RPRD1A: variants seen among roughly 807,000 people sequenced by gnomAD.
RPRD1A encodes regulation of nuclear pre-mRNA domain containing 1A.
In RPRD1A, 9 loss-of-function variants were observed where a neutral mutation model predicts 37.8. The observed-to-expected ratio is 0.24, with a 90% CI of 0.14 to 0.42. The LOEUF (loss-of-function observed/expected upper bound fraction) is 0.42, where lower values mean the gene tolerates loss of function less well. Among genes scored for constraint, RPRD1A ranks in the 10% least tolerant of loss-of-function variants. The pLI is 1.00. For synonymous variants in RPRD1A, 138 were observed against 139.7 expected (o/e 0.99, Z 0.08); for missense variants, 255 against 371.0 (o/e 0.69, Z 2.57).
intron 6 of RPRD1A, among the ~76,000 whole-genome samples, chr18:36,000,135 T>A (rs1242203005): frequency 1.3e-5 from 2 of 152,056 alleles, no homozygotes; most frequent in South Asian, 2.1e-4. Flanking sequence ...TCTGTTACCA[T>A]CCCCAGGGGA....
intron 1 of RPRD1A, among the ~76,000 whole-genome samples, chr18:36,052,604 G>C (rs994511016): frequency 1.3e-5 from 2 of 151,982 alleles, no homozygotes; most frequent in Non-Finnish European, 2.9e-5. Context: ...ATTCATTTTT[G>C]TTGGGGGCGG....
At chr18:36,023,326 A>T (rs1336527315) in intron 6 of RPRD1A, among the ~76,000 whole-genome samples, 1 of 152,208 alleles carries the variant, frequency 6.6e-6, no homozygotes, top group Non-Finnish European at 1.5e-5. Flanking sequence ...GGGGTTCAAG[A>T]CTTCAGTGGT....
intron 1 of RPRD1A, among the ~76,000 whole-genome samples, chr18:36,063,779 T>C (rs2088961977): frequency 6.6e-6 from 1 of 152,186 alleles, no homozygotes; most frequent in Admixed American, 6.5e-5. Context: ...ACACAAAGGC[T>C]ACACCCTGCA....
At chr18:36,052,543 G>A (rs998824177) in intron 1 of RPRD1A, among the ~76,000 whole-genome samples, 2 of 152,056 alleles carry the variant, frequency 1.3e-5, no homozygotes, top group African/African-American at 2.4e-5. Flanking sequence ...AGGAGGACAG[G>A]GCTATAGAAG....
chr18:36,002,967 C>A (rs1909518087), intron 6 of RPRD1A, among the ~76,000 whole-genome samples: 1 of 152,164 alleles, frequency 6.6e-6, no homozygotes, highest in Non-Finnish European at 1.5e-5. Context: ...GGTCTTGTCA[C>A]CTGTAACACA....
At chr18:36,008,016 C>G (rs1337901966) in intron 6 of RPRD1A, among the ~76,000 whole-genome samples, 1 of 151,684 alleles carries the variant, frequency 6.6e-6, no homozygotes. Context: ...GGCTGAGACA[C>G]AACTGCTTAT....
At chr18:36,038,933 G>A (rs538376682) in intron 1 of RPRD1A, among the ~76,000 whole-genome samples, 17 of 152,234 alleles carry the variant, frequency 1.1e-4, no homozygotes, top group East Asian at 5.8e-4. Flanking sequence ...TGATACCCCC[G>A]TTGTATCTTG....
At chr18:35,995,239 T>TC (rs1362865766) in intron 6 of RPRD1A, among the ~76,000 whole-genome samples, 1 of 150,796 alleles carries the variant, frequency 6.6e-6, no homozygotes, top group Non-Finnish European at 1.5e-5. Context: ...CTATCTGCTC[T>TC]CCAATTTTTT....
intron 6 of RPRD1A, among the ~76,000 whole-genome samples, chr18:36,007,489 A>G (rs1041380518): frequency 1.3e-5 from 2 of 152,352 alleles, no homozygotes; most frequent in Admixed American, 6.5e-5. Flanking sequence ...AGTGATCGGA[A>G]TGCAGGGATT....
At position 36,027,462 on chromosome 18, in the gene RPRD1A, G is replaced by T. The variant is rs570074120; in HGVS notation, c.487-152C>A. 9.6e-4 allele frequency: 728 copies of T among 759,316 alleles called. 3 individuals are homozygous for T. The African/African-American group carries it at 0.012, about 12-fold the overall frequency. The allele number at this position is 759,316 out of a possible 1,614,324, so 47.0% of individuals were successfully genotyped here. ...TGAAGACAATCAATTTCTTTCATAT[G>T]TTAAGAAAAAAGGAGGCTATACTAT... On this transcript the variant is annotated intron_variant, in intron 4 of 6. Transcript: ENST00000399022.
At chr18:36,053,320 T>G (rs2144388492) in intron 1 of RPRD1A, among the ~76,000 whole-genome samples, 1 of 152,290 alleles carries the variant, frequency 6.6e-6, no homozygotes, top group African/African-American at 2.4e-5. Context: ...CCACACCCAT[T>G]AAGTAGTTAT....
chr18:36,051,238 G>C (rs1164115058), intron 1 of RPRD1A, among the ~76,000 whole-genome samples: 2 of 152,006 alleles, frequency 1.3e-5, no homozygotes, highest in Non-Finnish European at 2.9e-5. Context: ...TAGCAAGTAA[G>C]GACAAAAAAG....
At chr18:36,019,704 A>G (rs1168818565) in intron 6 of RPRD1A, among the ~76,000 whole-genome samples, 1 of 152,240 alleles carries the variant, frequency 6.6e-6, no homozygotes, top group African/African-American at 2.4e-5. Context: ...GCAGAAATCC[A>G]CAAGCACAGA....
intron 6 of RPRD1A, among the ~76,000 whole-genome samples, chr18:36,002,098 T>C (rs1159103185): frequency 1.3e-5 from 2 of 152,108 alleles, no homozygotes; most frequent in African/African-American, 2.4e-5. Flanking sequence ...TGTAGGCATT[T>C]TGGTATCCTG....
chr18:36,013,603 G>T (rs1238118048), intron 6 of RPRD1A, among the ~76,000 whole-genome samples: 1 of 152,176 alleles, frequency 6.6e-6, no homozygotes, highest in African/African-American at 2.4e-5. Flanking sequence ...TGAAGCTGTT[G>T]TCCACGGGTG....
intron 1 of RPRD1A, among the ~76,000 whole-genome samples, chr18:36,042,444 C>A (rs543563737): frequency 1.3e-5 from 2 of 152,274 alleles, no homozygotes; most frequent in African/African-American, 4.8e-5. Flanking sequence ...ATTACTTGTT[C>A]CAGTAACTTA....
intron 1 of RPRD1A, among the ~76,000 whole-genome samples, chr18:36,066,861 A>G (rs1024761446): frequency 2.6e-5 from 4 of 152,180 alleles, no homozygotes; most frequent in African/African-American, 9.7e-5. Flanking sequence ...TACAGAAATG[A>G]CGGAAGTAAC....
intron 1 of RPRD1A, among the ~76,000 whole-genome samples, chr18:36,052,694 G>A (rs892188626): frequency 1.3e-5 from 2 of 152,136 alleles, no homozygotes; most frequent in Non-Finnish European, 2.9e-5. Flanking sequence ...CACCTCCCGA[G>A]CTCAAGCGAT....
chr18:35,996,252 T>A (rs1909049332), intron 6 of RPRD1A, among the ~76,000 whole-genome samples: 1 of 152,114 alleles, frequency 6.6e-6, no homozygotes, highest in Non-Finnish European at 1.5e-5. Flanking sequence ...CTAAAATTAT[T>A]CTAAAATTAA....
Sources: gnomAD v4.1 joint callset for allele counts (sites outside exome capture counted in the v4.1 genomes callset) on GRCh38, gnomAD v4.1.1 for gene constraint, MANE v1.5 for transcripts, NCBI Gene and HGNC (gene_info 2026-07-23, HGNC 2026-07-21) for gene names.